GALNT13: variants seen among roughly 807,000 people sequenced by gnomAD.
GALNT13 encodes the protein UDP-GalNAc:polypeptide N-acetylgalactosaminyltransferase 13.
GALNT13 carries 28 observed loss-of-function variants against 64.2 expected under a neutral mutation model. That is an observed-to-expected ratio of 0.44 (90% CI 0.32 to 0.60). The LOEUF is 0.60. GALNT13 is among the 20% of genes least tolerant of loss of function. The pLI is 0.05. For missense variants in GALNT13, 577 were observed against 669.8 expected (o/e 0.86, Z 1.53); for synonymous variants, 214 against 224.6 (o/e 0.95, Z 0.42).
chr2:153,538,413 T>C, the GALNT13 span, among the ~76,000 whole-genome samples: 4 of 142,898 alleles, frequency 2.8e-5, no homozygotes, highest in Admixed American at 7.1e-5. Context: ...TATTATACTT[T>C]AAGTTTTAGG....
the GALNT13 span, among the ~76,000 whole-genome samples, chr2:153,699,416 C>T: frequency 2.0e-5 from 3 of 152,028 alleles, no homozygotes; most frequent in African/African-American, 7.2e-5. Context: ...ACCAAAACAT[C>T]ACAATTGAAA....
intron 9 of GALNT13, among the ~76,000 whole-genome samples, chr2:154,338,566 A>T (rs370284694): frequency 6.6e-6 from 1 of 152,132 alleles, no homozygotes; most frequent in East Asian, 1.9e-4. Flanking sequence ...GCAGGGCCAC[A>T]TGAGGCAGCC....
At chr2:153,107,859 A>G in the GALNT13 span, among the ~76,000 whole-genome samples, 1 of 152,216 alleles carries the variant, frequency 6.6e-6, no homozygotes, top group Non-Finnish European at 1.5e-5. Context: ...AAATCCACAA[A>G]GTGAACAATA....
intron 2 of GALNT13, among the ~76,000 whole-genome samples, chr2:153,910,841 A>G (rs1168562389): frequency 1.3e-5 from 2 of 152,048 alleles, no homozygotes; most frequent in African/African-American, 4.8e-5. Context: ...TTTATGTCCT[A>G]TTGTGTGGTT....
At chr2:153,263,791 T>C in the GALNT13 span, among the ~76,000 whole-genome samples, 2 of 152,090 alleles carry the variant, frequency 1.3e-5, no homozygotes, top group Non-Finnish European at 2.9e-5. Context: ...TATACAAAAA[T>C]TAATTCAAGA....
chr2:154,177,037 A>G (rs907106338), intron 4 of GALNT13, among the ~76,000 whole-genome samples: 1 of 152,216 alleles, frequency 6.6e-6, no homozygotes, highest in African/African-American at 2.4e-5. Flanking sequence ...AGTATGGCTA[A>G]GGAATCAGTC....
the GALNT13 span, among the ~76,000 whole-genome samples, chr2:153,111,591 C>A: frequency 2.0e-5 from 3 of 151,922 alleles, no homozygotes; most frequent in Non-Finnish European, 4.4e-5. Flanking sequence ...AGTTTGCTAC[C>A]CAGATTCCCA....
At chr2:153,494,228 AT>A in the GALNT13 span, among the ~76,000 whole-genome samples, 1 of 151,952 alleles carries the variant, frequency 6.6e-6, no homozygotes, top group South Asian at 2.1e-4. Flanking sequence ...GTGTGTATGT[AT>A]TTTTCCCAAC....
At chr2:153,429,560 T>G in the GALNT13 span, among the ~76,000 whole-genome samples, 2 of 152,132 alleles carry the variant, frequency 1.3e-5, no homozygotes, top group Non-Finnish European at 1.5e-5. Flanking sequence ...GTAGAGATAG[T>G]TATATCATCT....
chr2:154,311,762 G>C (rs890716904), intron 9 of GALNT13, among the ~76,000 whole-genome samples: 2 of 152,084 alleles, frequency 1.3e-5, no homozygotes, highest in Non-Finnish European at 2.9e-5. Flanking sequence ...GTACGCCCTG[G>C]GGGGGCCAGT....
intron 3 of GALNT13, among the ~76,000 whole-genome samples, chr2:154,035,427 C>T (rs114218510): frequency 6.6e-6 from 1 of 152,022 alleles, no homozygotes; most frequent in Non-Finnish European, 1.5e-5. Flanking sequence ...ATTTCCTCCA[C>T]ACTCGTTAAT....
chr2:153,089,375 A>G, the GALNT13 span, among the ~76,000 whole-genome samples: 13 of 152,114 alleles, frequency 8.5e-5, no homozygotes, highest in Non-Finnish European at 1.9e-4. Flanking sequence ...TTTCTAGGTA[A>G]TCTGATGCTT....
chr2:154,206,558 G>A (rs1283695593), intron 4 of GALNT13, among the ~76,000 whole-genome samples: 1 of 151,846 alleles, frequency 6.6e-6, no homozygotes, highest in African/African-American at 2.4e-5. Flanking sequence ...ACTTTGGGAG[G>A]CCAAAGCAGG....
chr2:153,326,857 C>T, the GALNT13 span, among the ~76,000 whole-genome samples: 6 of 152,008 alleles, frequency 3.9e-5, no homozygotes, highest in African/African-American at 7.2e-5. Context: ...AGGCCAAGGC[C>T]GGTGGATCAT....
chr2:153,849,569 T>C, the GALNT13 span, among the ~76,000 whole-genome samples: 1 of 152,188 alleles, frequency 6.6e-6, no homozygotes, highest in African/African-American at 2.4e-5. Flanking sequence ...ATAATTCCTG[T>C]AATTGCCCCA....
At chr2:154,223,936 T>C (rs959710678) in intron 4 of GALNT13, among the ~76,000 whole-genome samples, 1 of 152,070 alleles carries the variant, frequency 6.6e-6, no homozygotes, top group Non-Finnish European at 1.5e-5. Context: ...AGTTGACATA[T>C]GGAGATTACT....
the GALNT13 span, among the ~76,000 whole-genome samples, chr2:153,502,042 A>T: frequency 6.6e-6 from 1 of 152,058 alleles, no homozygotes; most frequent in African/African-American, 2.4e-5. Flanking sequence ...AAGAAAAGTT[A>T]AAAAAAATTA....
the GALNT13 span, among the ~76,000 whole-genome samples, chr2:153,292,155 T>G: frequency 6.6e-6 from 1 of 152,168 alleles, no homozygotes; most frequent in Non-Finnish European, 1.5e-5. Flanking sequence ...AGTAGTTTTC[T>G]GAAGCACATC....
chr2:153,361,068 G>A, the GALNT13 span, among the ~76,000 whole-genome samples: 1 of 152,030 alleles, frequency 6.6e-6, no homozygotes, highest in Non-Finnish European at 1.5e-5. Flanking sequence ...ACATATCCAG[G>A]CACAGGATTG....
Sources: allele counts gnomAD v4.1 joint callset (sites outside exome capture counted in the v4.1 genomes callset), GRCh38; gene constraint gnomAD v4.1.1; transcripts MANE v1.5; gene names NCBI Gene and HGNC (gene_info 2026-07-23, HGNC 2026-07-21).